KLHDC2: variants seen among roughly 807,000 people sequenced by gnomAD.
KLHDC2 encodes kelch domain-containing protein 2.
Under a neutral mutation model 62.3 loss-of-function variants are expected in KLHDC2, and 38 were observed. The observed-to-expected ratio is 0.61, with a 90% confidence interval of 0.47 to 0.80. The LOEUF is 0.80. Among genes scored for constraint, KLHDC2 ranks in the 30% least tolerant of loss-of-function variants. The probability of loss-of-function intolerance (pLI) is 0.00; values close to 1 mark genes in which losing one functional copy is unlikely to be tolerated. For synonymous variants in KLHDC2, 159 were observed against 161.0 expected, an observed-to-expected ratio of 0.99 and a Z score of 0.09; for missense variants, 430 against 495.3, an observed-to-expected ratio of 0.87 and a Z score of 1.25.
intron 3 of KLHDC2, among the ~76,000 whole-genome samples, chr14:49,777,297 T>C (rs1889792738): frequency 6.6e-6 from 1 of 152,112 alleles, no homozygotes. Context: ...TTGGGTACAG[T>C]GTACACTGCT....
At chr14:49,781,698 TAAA>T (rs768954943) in intron 10 of KLHDC2, among the ~76,000 whole-genome samples, 1 of 141,720 alleles carries the variant, frequency 7.1e-6, no homozygotes, top group Non-Finnish European at 1.5e-5. Flanking sequence ...CTCTGTCTCT[TAAA>T]AAAAAAAAAA....
chr14:49,779,982 A>G (rs1889854197), intron 8 of KLHDC2, 176 bp downstream of exon 8: 1 of 624,622 alleles, frequency 1.6e-6, no homozygotes, highest in Non-Finnish European at 2.8e-6. Flanking sequence ...TCCTGTAACT[A>G]TGTGCCTAGT....
rs1890007728 is a variant in KLHDC2, at chr14:49,783,390, T to TATTCACATTATG, written c.*439_*450dup. ...AAAGGTTTTTTTTTTTAAACATTAATATTCACATTATGACGAAGCTGGAAA... is the reference window on the plus strand; with the variant it reads ...AAAGGTTTTTTTTTTTAAACATTAATATTCACATTATGATTCACATTATGACGAAGCTGGAAA... On this transcript the variant is annotated 3_prime_UTR_variant, in exon 13 of 13. Transcript: ENST00000298307. 2.6e-5 allele frequency: 4 copies of TATTCACATTATG among 152,162 alleles called. No individual in the cohort carries two copies. The highest frequency in any genetic ancestry group is 9.7e-5 in the African/African-American group (4 of 41,342). The allele number at this position is 152,162 out of a possible 1,614,324, so 9.4% of individuals were successfully genotyped here.
intron 1 of KLHDC2, among the ~76,000 whole-genome samples, chr14:49,770,552 T>C (rs545712996): frequency 1.2e-4 from 19 of 152,294 alleles, no homozygotes; most frequent in African/African-American, 3.8e-4. Context: ...AGAAAGTGGC[T>C]AGGGAGGGTC....
chr14:49,768,811 A>C, intron 1 of KLHDC2, 190 bp downstream of exon 1: 1 of 547,292 alleles, frequency 1.8e-6, no homozygotes, highest in Non-Finnish European at 3.1e-6. Context: ...GAGTACCCCA[A>C]CCCGTCTCGA....
chr14:49,785,920 G>A lies in KLHDC2; in HGVS notation c.*2967G>A. The A allele has an allele frequency of 6.6e-6, 1 of 150,444 alleles. No homozygotes were observed. The allele number at this position is 150,444 out of a possible 1,614,324, so 9.3% of individuals were successfully genotyped here. On this transcript the variant is annotated 3_prime_UTR_variant, in exon 13 of 13. Transcript: ENST00000298307. ...AAAAAAAAAAAGGAAAAAAACTATTGGATATTACCTGAGTTGCAGAAACCT... is the reference window on the plus strand; with the variant it reads ...AAAAAAAAAAAGGAAAAAAACTATTAGATATTACCTGAGTTGCAGAAACCT...
In KLHDC2 at chr14:49,785,319, T is replaced by C. The variant is rs1183458139; in HGVS notation, c.*2366T>C. 4.3e-6 allele frequency: 7 copies of C among 1,611,804 alleles called. No homozygotes were observed. Among genetic ancestry groups the C allele is most frequent in the Admixed American group, 1.7e-5 (1 of 59,978 alleles). The stretch of plus-strand genomic sequence containing the variant: ...GCCTGTCAAAGAATCAAATAGGTTT[T>C]CCTAAAAAGGGAAAATAACAGTTAC... On this transcript the variant is annotated 3_prime_UTR_variant, in exon 13 of 13. Coordinates refer to ENST00000298307, the MANE Select transcript of KLHDC2 (RefSeq NM_014315.3).
chr14:49,777,655 G>A, intron 3 of KLHDC2, 184 bp from the exon 4 acceptor site: 1 of 445,956 alleles, frequency 2.2e-6, no homozygotes, highest in South Asian at 5.1e-5. Flanking sequence ...AGTGACTTAG[G>A]AAGTTGGTAT....
intron 10 of KLHDC2, among the ~76,000 whole-genome samples, chr14:49,781,235 C>T (rs1379445679): frequency 6.6e-6 from 1 of 151,948 alleles, no homozygotes; most frequent in African/African-American, 2.4e-5. Context: ...GGCGTGGTGG[C>T]GTATGCCTGT....
At chr14:49,778,908 T>C (rs577576649) in intron 6 of KLHDC2, among the ~76,000 whole-genome samples, 1 of 152,164 alleles carries the variant, frequency 6.6e-6, no homozygotes, top group East Asian at 1.9e-4. Context: ...GTATTTTTAG[T>C]AGAGACGGGT....
Position 49,776,896 on chromosome 14 carries a change from G to A in KLHDC2, c.352-943G>A, listed in dbSNP as rs186480371. ...CATGCCACTGCACTCCAGCCTGGGT[G>A]ACAGAGCGAGATTCTGTCCCCACCA... On this transcript the variant is annotated intron_variant, in intron 3 of 12. Transcript: ENST00000298307. Among the ~76,000 whole-genome samples the A allele has an allele frequency of 4.0e-5, 6 of 148,866 alleles. No homozygotes were observed. The East Asian group carries it at 1.2e-3, about 29-fold the overall frequency.
chr14:49,780,181 T>C, intron 8 of KLHDC2, 32 bp from the exon 9 acceptor site: 1 of 1,281,280 alleles, frequency 7.8e-7, no homozygotes, highest in Non-Finnish European at 1.1e-6. Context: ...TGCTTCTAAA[T>C]GCAGATATTG....
Position 49,768,377 on chromosome 14 carries a change from C to G in KLHDC2, c.-92C>G, listed in dbSNP as rs1402725970. ...CCTTTCGCCACCGCCTTTTCCTTGC[C>G]TCGCGCCGCTGTGCATTTCTCTCCT... On this transcript the variant is annotated 5_prime_UTR_variant, in exon 1 of 13. Transcript: ENST00000298307. 5 of 1,403,682 alleles carry G rather than the reference C, an allele frequency of 3.6e-6. No individual in the cohort carries two copies. In the Admixed American group the frequency reaches 1.1e-4, roughly 32 times the overall value. 87.0% of individuals were successfully genotyped at this position (1,403,682 alleles called of 1,614,324 possible). A position where few individuals can be genotyped will look rare whatever the true frequency, so the allele number is the denominator to read the frequency against.
In KLHDC2 at chr14:49,784,504, T is replaced by G. The variant is rs1890065184; in HGVS notation, c.*1551T>G. 1 of 625,674 alleles carries G rather than the reference T, an allele frequency of 1.6e-6. No individual in the cohort carries two copies. The allele number at this position is 625,674 out of a possible 1,614,324, so 38.8% of individuals were successfully genotyped here. ...GGAAAAAACAAGAAGTAAGTCCTTT[T>G]GGTGAATATAGCAAGGCAATGTTTA... is the stretch of plus-strand genomic sequence containing the variant. On this transcript the variant is annotated 3_prime_UTR_variant, in exon 13 of 13. Transcript: ENST00000298307.
At chr14:49,781,310 A>G (rs1196076992) in intron 10 of KLHDC2, among the ~76,000 whole-genome samples, 4 of 146,792 alleles carry the variant, frequency 2.7e-5, no homozygotes, top group African/African-American at 1.0e-4. Flanking sequence ...CAGAGGTTGC[A>G]GTGAGCTGAG....
intron 2 of KLHDC2, among the ~76,000 whole-genome samples, chr14:49,773,844 G>A (rs1437590130): frequency 6.6e-6 from 1 of 152,000 alleles, no homozygotes; most frequent in Non-Finnish European, 1.5e-5. Context: ...CCAAAGTGCT[G>A]GGATTACAGG....
intron 10 of KLHDC2, among the ~76,000 whole-genome samples, chr14:49,781,538 G>C (rs1435501325): frequency 6.6e-6 from 1 of 151,950 alleles, no homozygotes; most frequent in African/African-American, 2.4e-5. Flanking sequence ...AGACCAGCTT[G>C]GGCAACTTGG....
Position 49,784,795 on chromosome 14 carries a change from C to A in KLHDC2, c.*1842C>A. 1 of 1,451,490 alleles carries A rather than the reference C, an allele frequency of 6.9e-7. No homozygotes were observed. The highest frequency in any genetic ancestry group is 1.2e-5 in the South Asian group (1 of 83,552). 89.9% of individuals were successfully genotyped at this position (1,451,490 alleles called of 1,614,324 possible). ...TTTATGACAAAAACGAAAAACATTT[C>A]CAAACTTTTAGCTGAGATGGTTTTA... On this transcript the variant is annotated 3_prime_UTR_variant, in exon 13 of 13. Coordinates refer to ENST00000298307, the MANE Select transcript of KLHDC2 (RefSeq NM_014315.3).
chr14:49,771,292 T>C (rs1237410802), intron 1 of KLHDC2, among the ~76,000 whole-genome samples: 1 of 151,572 alleles, frequency 6.6e-6, no homozygotes, highest in African/African-American at 2.4e-5. Flanking sequence ...GACATTGCAG[T>C]GAGCCAGCCA....
Sources: gnomAD v4.1 joint callset for allele counts (sites outside exome capture counted in the v4.1 genomes callset) on GRCh38, gnomAD v4.1.1 for gene constraint, MANE v1.5 for transcripts, NCBI Gene and HGNC (gene_info 2026-07-23, HGNC 2026-07-21) for gene names.